Variants in UGGT2 observed in about 807,000 individuals in gnomAD.
UGGT2 encodes UDP-glucose glycoprotein glucosyltransferase 2.
In UGGT2, 180 loss-of-function variants were observed where a neutral mutation model predicts 192.1. That is an observed-to-expected ratio of 0.94 (90% CI 0.83 to 1.06). UGGT2 has a LOEUF of 1.06. Ranked by LOEUF, UGGT2 falls within the 50% of genes least tolerant of loss-of-function variation. UGGT2 has a pLI of 0.00. For missense variants in UGGT2, 1,849 were observed against 1,795.7 expected (o/e 1.03, Z -0.54); for synonymous variants, 580 against 591.0 (o/e 0.98, Z 0.27).
intron 4 of UGGT2, among the ~76,000 whole-genome samples, chr13:96,014,972 T>C (rs1450786004): frequency 6.6e-6 from 1 of 152,112 alleles, no homozygotes; most frequent in African/African-American, 2.4e-5. Flanking sequence ...TCAAAGAATT[T>C]ACTACTGTTG....
chr13:95,939,846 C>T (rs2049603680), intron 16 of UGGT2, 111 bp downstream of exon 16: 6 of 882,180 alleles, frequency 6.8e-6, no homozygotes, highest in East Asian at 3.2e-5. Context: ...CCCCATTTTA[C>T]TCTGTTTCTG....
intron 20 of UGGT2, among the ~76,000 whole-genome samples, chr13:95,915,496 C>T (rs2048653644): frequency 6.6e-6 from 1 of 152,198 alleles, no homozygotes; most frequent in South Asian, 2.1e-4. Flanking sequence ...AACATAGTCA[C>T]TCAAATACTT....
At chr13:95,906,142 T>C (rs1315231448) in intron 20 of UGGT2, among the ~76,000 whole-genome samples, 3 of 152,332 alleles carry the variant, frequency 2.0e-5, no homozygotes, top group African/African-American at 2.4e-5. Context: ...TCTTGGTACT[T>C]TGAATTTCTG....
At chr13:95,905,128 C>T (rs1168344192) in intron 20 of UGGT2, among the ~76,000 whole-genome samples, 1 of 152,036 alleles carries the variant, frequency 6.6e-6, no homozygotes, top group East Asian at 1.9e-4. Flanking sequence ...CCTTCGCCCA[C>T]TTTGTGATGG....
At chr13:96,011,141 TAA>T (rs2052149093) in intron 5 of UGGT2, among the ~76,000 whole-genome samples, 2 of 152,070 alleles carry the variant, frequency 1.3e-5, no homozygotes, top group Admixed American at 1.3e-4. Flanking sequence ...CATAAAACTA[TAA>T]AACGCTTAGA....
chr13:96,044,807 G>A (rs1460745142), intron 1 of UGGT2, among the ~76,000 whole-genome samples: 1 of 152,072 alleles, frequency 6.6e-6, no homozygotes, highest in Admixed American at 6.6e-5. Flanking sequence ...GGAAGAATTA[G>A]ATACCCTGAA....
intron 36 of UGGT2, among the ~76,000 whole-genome samples, chr13:95,845,693 C>T (rs1888343787): frequency 6.6e-6 from 1 of 152,334 alleles, no homozygotes; most frequent in Non-Finnish European, 1.5e-5. Context: ...GTACACCTCC[C>T]AGACAGGGTG....
intron 1 of UGGT2, among the ~76,000 whole-genome samples, chr13:96,036,100 A>C (rs1456295493): frequency 6.6e-6 from 1 of 152,244 alleles, no homozygotes; most frequent in African/African-American, 2.4e-5. Context: ...ATATACATGC[A>C]CACATATGTC....
intron 20 of UGGT2, among the ~76,000 whole-genome samples, chr13:95,921,201 G>A (rs191419064): frequency 1.4e-3 from 213 of 152,192 alleles, no homozygotes; most frequent in Non-Finnish European, 2.5e-3. Flanking sequence ...TGGGGGTAGG[G>A]GGTGTGGGGA....
intron 17 of UGGT2, among the ~76,000 whole-genome samples, chr13:95,931,450 C>T (rs967000253): frequency 6.6e-6 from 1 of 151,988 alleles, no homozygotes; most frequent in South Asian, 2.1e-4. Flanking sequence ...CTCCTCAGCC[C>T]TTGAGCGGTC....
At chr13:95,802,217 T>C (rs937153930) in intron 38 of UGGT2, among the ~76,000 whole-genome samples, 15 of 152,210 alleles carry the variant, frequency 9.9e-5, no homozygotes, top group African/African-American at 3.6e-4. Context: ...TATTAATATA[T>C]AGTCGTCATC....
chr13:96,043,874 C>T (rs565982555), intron 1 of UGGT2, among the ~76,000 whole-genome samples: 4 of 152,026 alleles, frequency 2.6e-5, no homozygotes, highest in Non-Finnish European at 5.9e-5. Flanking sequence ...ACAATTACTA[C>T]TAGACTTAAG....
intron 11 of UGGT2, 99 bp downstream of exon 11, chr13:95,972,475 ATTTATC>A (rs1035777444): frequency 1.9e-6 from 2 of 1,049,666 alleles, no homozygotes; most frequent in African/African-American, 3.2e-5. Context: ...AAAAACATGT[ATTTATC>A]TTTAAAGTGA....
rs748616966 is a variant in UGGT2, at chr13:95,854,460, G to C, written c.4024C>G (p.Leu1342Val). 1 of 1,608,120 alleles carries C rather than the reference G, an allele frequency of 6.2e-7. No homozygotes were observed. The highest frequency in any genetic ancestry group is 2.2e-5 in the East Asian group (1 of 44,792). Residue 1342 changes from leucine (L) to valine (V), a missense_variant, in exon 35 of 39, where the codon CTA becomes GTA. By Grantham distance (32) the Leu-to-Val change is conservative. Transcript: ENST00000376747. ...AGATCGAAATCTCGAAGTTCTTTTA[G>C]ATCATGTCTCACAATCTAAATAATT... ...VDADQIVRHD[L>V]KELRDFDLDG...
chr13:95,973,256 C>T (rs1215826889), intron 10 of UGGT2, among the ~76,000 whole-genome samples: 2 of 151,932 alleles, frequency 1.3e-5, no homozygotes, highest in African/African-American at 4.8e-5. Flanking sequence ...CATATTTGGC[C>T]TAAAGGTAGC....
intron 7 of UGGT2, among the ~76,000 whole-genome samples, chr13:95,993,463 C>A (rs2051519240): frequency 6.6e-6 from 1 of 151,992 alleles, no homozygotes; most frequent in South Asian, 2.1e-4. Context: ...GGAGAAAATG[C>A]AATTTAATCC....
At chr13:95,832,706 TAG>T (rs755274783) in intron 38 of UGGT2, 2 of 630,370 alleles carry the variant, frequency 3.2e-6, no homozygotes, top group African/African-American at 3.6e-5. Flanking sequence ...TCTATCCATA[TAG>T]AGTTATGAGC....
Position 96,053,134 on chromosome 13 carries a change from G to A in UGGT2, c.158+21C>T, listed in dbSNP as rs148135830. The A allele has an allele frequency of 2.9e-4, 421 of 1,473,188 alleles. 5 individuals carry two copies. In the African/African-American group the frequency reaches 5.1e-3, roughly 18 times the overall value. 91.3% of individuals were successfully genotyped at this position (1,473,188 alleles called of 1,614,324 possible). On this transcript the variant is annotated intron_variant, in intron 1 of 38. Coordinates refer to ENST00000376747, the MANE Select transcript of UGGT2 (RefSeq NM_020121.4). ...GCAGCGCGCCCACACCCGCCCGGAC[G>A]AGGGCCCGGCCCGCACCCACCTTGC...
intron 7 of UGGT2, among the ~76,000 whole-genome samples, chr13:95,994,545 T>C (rs1219484913): frequency 6.6e-6 from 1 of 151,810 alleles, no homozygotes; most frequent in Non-Finnish European, 1.5e-5. Context: ...TCATTTATTT[T>C]ATTCATGTTT....
Sources: gnomAD v4.1 joint callset for allele counts (sites outside exome capture counted in the v4.1 genomes callset) on GRCh38, gnomAD v4.1.1 for gene constraint, MANE v1.5 for transcripts, NCBI Gene and HGNC (gene_info 2026-07-23, HGNC 2026-07-21) for gene names.